The following CAST variants were observed in gnomAD, a reference collection of about 807,000 sequenced individuals.
CAST encodes the protein MIR583 host.
A neutral mutation model predicts 119.6 loss-of-function variants in CAST; 76 were observed. The ratio of observed to expected loss-of-function variants is 0.64; its 90% CI spans 0.53 to 0.77. The LOEUF (loss-of-function observed/expected upper bound fraction) is 0.77, where lower values mean the gene tolerates loss of function less well. Ranked by LOEUF, CAST falls within the 30% of genes least tolerant of loss-of-function variation. CAST has a pLI of 0.00. For missense variants in CAST, 953 were observed against 946.5 expected (o/e 1.01, Z -0.09); for synonymous variants, 319 against 331.6 (o/e 0.96, Z 0.41).
the CAST span, among the ~76,000 whole-genome samples, chr5:96,494,934 A>G: frequency 3.8e-4 from 57 of 151,968 alleles, 1 homozygote; most frequent in Middle Eastern, 3.4e-3. Context: ...TGGCTAACAC[A>G]GTGAAACCCC....
the CAST span, among the ~76,000 whole-genome samples, chr5:96,131,182 A>C: frequency 4.3e-4 from 66 of 152,230 alleles, no homozygotes; most frequent in Middle Eastern, 6.8e-3. Flanking sequence ...ATAGACTGTA[A>C]AATATCATGC....
chr5:96,742,451 G>A (rs941159933), intron 15 of CAST: 18 of 544,322 alleles, frequency 3.3e-5, no homozygotes, highest in Admixed American at 2.6e-4. Flanking sequence ...CTGTAGAAAC[G>A]TGTCTTAGCC....
At chr5:96,561,955 G>T (rs1746380225) in intron 1 of CAST, among the ~76,000 whole-genome samples, 2 of 148,412 alleles carry the variant, frequency 1.3e-5, no homozygotes, top group African/African-American at 5.0e-5. Flanking sequence ...ACCACGCCCG[G>T]CTAATTTTTT....
chr5:96,363,148 T>C, the CAST span, among the ~76,000 whole-genome samples: 3 of 149,584 alleles, frequency 2.0e-5, no homozygotes, highest in East Asian at 1.9e-4. Context: ...TGGTTGTAGA[T>C]GTGTGGTATT....
chr5:96,559,261 G>C (rs1746307974), intron 1 of CAST, among the ~76,000 whole-genome samples: 1 of 152,098 alleles, frequency 6.6e-6, no homozygotes, highest in Non-Finnish European at 1.5e-5. Context: ...ATACTGAATG[G>C]GCAAAAACTG....
chr5:96,367,285 G>T, the CAST span, among the ~76,000 whole-genome samples: 1 of 123,440 alleles, frequency 8.1e-6, no homozygotes, highest in Non-Finnish European at 1.8e-5. Context: ...ACCCACTTGA[G>T]GGGGCAGTCT....
the CAST span, among the ~76,000 whole-genome samples, chr5:96,505,192 TA>T: frequency 6.6e-6 from 1 of 152,196 alleles, no homozygotes; most frequent in Non-Finnish European, 1.5e-5. Context: ...TTCAAAATGT[TA>T]AAAAATAAAA....
At chr5:96,600,780 G>A (rs1328969816) in intron 1 of CAST, among the ~76,000 whole-genome samples, 1 of 152,004 alleles carries the variant, frequency 6.6e-6, no homozygotes, top group Non-Finnish European at 1.5e-5. Flanking sequence ...AGCTTATAAG[G>A]CTTAAGCTTT....
At chr5:96,207,255 A>T in the CAST span, among the ~76,000 whole-genome samples, 1 of 152,122 alleles carries the variant, frequency 6.6e-6, no homozygotes, top group Admixed American at 6.6e-5. Flanking sequence ...AAACAGAGAT[A>T]GTTTGACTTC....
the CAST span, among the ~76,000 whole-genome samples, chr5:96,225,218 ATTTG>A: frequency 6.6e-6 from 1 of 152,078 alleles, no homozygotes; most frequent in African/African-American, 2.4e-5. Flanking sequence ...CTTTGTTGCT[ATTTG>A]TTTTTTTCCT....
At chr5:96,770,394 G>A in intron 29 of CAST, 137 bp from the exon 30 acceptor site, 1 of 600,942 alleles carries the variant, frequency 1.7e-6, no homozygotes, top group African/African-American at 1.9e-5. Context: ...AAAAAATCAT[G>A]AAAAAACACC....
chr5:96,369,620 C>A, the CAST span, among the ~76,000 whole-genome samples: 46 of 152,176 alleles, frequency 3.0e-4, no homozygotes, highest in Admixed American at 2.0e-3. Context: ...TATGAGAAGA[C>A]CTTTTAATCT....
chr5:96,532,280 G>T (rs1180598802), intron 1 of CAST, among the ~76,000 whole-genome samples: 2 of 152,204 alleles, frequency 1.3e-5, no homozygotes, highest in African/African-American at 4.8e-5. Context: ...TTATTGTGAT[G>T]AATGAGAAAC....
chr5:96,498,303 C>T, the CAST span, among the ~76,000 whole-genome samples: 1 of 152,172 alleles, frequency 6.6e-6, no homozygotes, highest in African/African-American at 2.4e-5. Flanking sequence ...TGTGATGCCT[C>T]CAGCTTTGTT....
chr5:96,483,788 T>G, the CAST span, among the ~76,000 whole-genome samples: 2 of 152,168 alleles, frequency 1.3e-5, no homozygotes, highest in Non-Finnish European at 2.9e-5. Flanking sequence ...ATGAAGAATT[T>G]TATTGGGATT....
chr5:96,489,646 T>C, the CAST span, among the ~76,000 whole-genome samples: 1 of 152,164 alleles, frequency 6.6e-6, no homozygotes, highest in African/African-American at 2.4e-5. Context: ...CCTTCCTGTC[T>C]TTCCCAGCAT....
the CAST span, among the ~76,000 whole-genome samples, chr5:96,291,815 G>C: frequency 4.2e-3 from 635 of 149,758 alleles, 4 homozygotes; most frequent in African/African-American, 0.014. Context: ...CTGCTATTAT[G>C]ATCAATAGAA....
At chr5:96,198,100 C>T in the CAST span, among the ~76,000 whole-genome samples, 3 of 152,080 alleles carry the variant, frequency 2.0e-5, no homozygotes, top group African/African-American at 7.2e-5. Flanking sequence ...CTTCTCTAGG[C>T]GATGCTGCCT....
intron 3 of CAST, among the ~76,000 whole-genome samples, chr5:96,697,962 C>A (rs903287586): frequency 2.6e-5 from 4 of 152,176 alleles, no homozygotes; most frequent in African/African-American, 9.7e-5. Flanking sequence ...GAGTCTTCAA[C>A]TAAAAAAGAT....
Sources: gnomAD v4.1 joint callset for allele counts (sites outside exome capture counted in the v4.1 genomes callset) on GRCh38, gnomAD v4.1.1 for gene constraint, MANE v1.5 for transcripts, NCBI Gene and HGNC (gene_info 2026-07-23, HGNC 2026-07-21) for gene names.